Variants in NAV3 observed in about 807,000 individuals in gnomAD.
The protein encoded by NAV3 is pore membrane and/or filament interacting like protein 1.
In NAV3, 87 loss-of-function variants were observed where a neutral mutation model predicts 244.7. That is an observed-to-expected ratio of 0.36 (90% confidence interval 0.30 to 0.42). NAV3 has a LOEUF of 0.42. Ranked by LOEUF, NAV3 falls within the 20% of genes least tolerant of loss-of-function variation. The pLI is 1.00. For missense variants in NAV3, 2,663 were observed against 2,893.3 expected, an observed-to-expected ratio of 0.92 and a Z score of 1.83; for synonymous variants, 1,126 against 1,042.2, an observed-to-expected ratio of 1.08 and a Z score of -1.55.
At chr12:77,709,203 A>G (rs902830506) in intron 2 of NAV3, among the ~76,000 whole-genome samples, 5 of 152,246 alleles carry the variant, frequency 3.3e-5, no homozygotes, top group African/African-American at 1.2e-4. Context: ...GACAAAAACC[A>G]CATGATTATC....
intron 2 of NAV3, among the ~76,000 whole-genome samples, chr12:77,709,530 AG>A (rs1318105531): frequency 2.0e-5 from 3 of 152,222 alleles, no homozygotes; most frequent in African/African-American, 7.2e-5. Context: ...GGTGCCATGA[AG>A]ATGCTTTCTA....
intron 2 of NAV3, among the ~76,000 whole-genome samples, chr12:77,816,997 C>T (rs552274251): frequency 3.9e-5 from 6 of 152,252 alleles, no homozygotes; most frequent in East Asian, 3.9e-4. Context: ...TGTGGCTGCA[C>T]GGCTGGTATT....
At chr12:77,658,106 A>G (rs1292716091) in intron 2 of NAV3, among the ~76,000 whole-genome samples, 2 of 152,232 alleles carry the variant, frequency 1.3e-5, no homozygotes, top group South Asian at 2.1e-4. Flanking sequence ...AGTTCTGGCC[A>G]GGGCAATTAG....
intron 10 of NAV3, 80 bp downstream of exon 10, chr12:78,050,181 C>G: frequency 2.1e-6 from 2 of 951,446 alleles, no homozygotes; most frequent in Non-Finnish European, 3.2e-6. Flanking sequence ...CTTATAATGA[C>G]AGAGATGGGA....
At chr12:77,987,142 ATTTG>A (rs1458952026) in intron 5 of NAV3, among the ~76,000 whole-genome samples, 3 of 152,144 alleles carry the variant, frequency 2.0e-5, no homozygotes, top group African/African-American at 7.2e-5. Flanking sequence ...TTGAAATTAG[ATTTG>A]TTTGATACTT....
chr12:78,140,064 C>G (rs1018788062), intron 19 of NAV3, among the ~76,000 whole-genome samples: 2 of 152,138 alleles, frequency 1.3e-5, no homozygotes, highest in Non-Finnish European at 2.9e-5. Flanking sequence ...TGTCTAATAA[C>G]TTGGCAACTG....
chr12:77,904,255 C>A (rs1885681345), intron 1 of NAV3, among the ~76,000 whole-genome samples: 1 of 152,238 alleles, frequency 6.6e-6, no homozygotes, highest in East Asian at 1.9e-4. Context: ...AAATGTCCAA[C>A]AATGATAGAC....
At chr12:78,064,395 GTGTCTGTCTGTC>G (rs3054540) in intron 12 of NAV3, among the ~76,000 whole-genome samples, 2 of 139,954 alleles carry the variant, frequency 1.4e-5, no homozygotes, top group Non-Finnish European at 3.1e-5. Context: ...CTATCTATCT[GTGTCTGTCTGTC>G]TGTCTGTCTG....
intron 5 of NAV3, among the ~76,000 whole-genome samples, chr12:77,977,449 C>A (rs1306989608): frequency 1.3e-5 from 2 of 151,510 alleles, no homozygotes; most frequent in Non-Finnish European, 2.9e-5. Flanking sequence ...CTTTTTCAAT[C>A]ACCTGTAGAG....
intron 2 of NAV3, among the ~76,000 whole-genome samples, chr12:77,679,052 G>A (rs2137107108): frequency 6.6e-6 from 1 of 152,280 alleles, no homozygotes; most frequent in African/African-American, 2.4e-5. Context: ...AGCATCTTAA[G>A]TACGACTGTG....
At chr12:78,023,514 A>G (rs906404240) in intron 9 of NAV3, among the ~76,000 whole-genome samples, 2 of 152,194 alleles carry the variant, frequency 1.3e-5, no homozygotes, top group Non-Finnish European at 2.9e-5. Flanking sequence ...TAGGATTTTG[A>G]TAAGAATTCA....
chr12:77,999,053 T>C (rs1872800715), intron 7 of NAV3, among the ~76,000 whole-genome samples: 1 of 152,190 alleles, frequency 6.6e-6, no homozygotes, highest in Non-Finnish European at 1.5e-5. Context: ...TAAATGAAAG[T>C]GTCTGTTAAA....
intron 2 of NAV3, among the ~76,000 whole-genome samples, chr12:77,656,132 TAAATGCTCCAATTAA>T (rs1873091079): frequency 6.6e-6 from 1 of 150,904 alleles, no homozygotes; most frequent in African/African-American, 2.5e-5. Context: ...GTAAATGGAC[TAAATGCTCCAATTAA>T]AAGACACAGA....
Position 78,006,335 on chromosome 12 carries a change from A to G in NAV3, c.881-84A>G, listed in dbSNP as rs1338645747. ...CAGAGGAGAGAGACTTCTATCCATC[A>G]ATAGTTTGGAAGTTCTCAATTATGT... On this transcript the variant is annotated intron_variant, in intron 7 of 39. Coordinates refer to ENST00000397909, the MANE Select transcript of NAV3 (RefSeq NM_001024383.2). 1.0e-5 allele frequency: 13 copies of G among 1,246,166 alleles called. No individual in the cohort carries two copies. In the East Asian group the frequency reaches 1.4e-4, roughly 13 times the overall value. 77.2% of individuals were successfully genotyped at this position (1,246,166 alleles called of 1,614,324 possible). A position where few individuals can be genotyped will look rare whatever the true frequency, so the allele number is the denominator to read the frequency against.
At chr12:78,027,727 C>A (rs905454479) in intron 9 of NAV3, among the ~76,000 whole-genome samples, 1 of 152,196 alleles carries the variant, frequency 6.6e-6, no homozygotes, top group South Asian at 2.1e-4. Context: ...AAGGGTAATA[C>A]AATGGCATGT....
intron 22 of NAV3, among the ~76,000 whole-genome samples, chr12:78,156,752 G>T (rs370988050): frequency 9.9e-4 from 151 of 152,036 alleles, no homozygotes; most frequent in African/African-American, 3.3e-3. Context: ...TTAGTTTTAG[G>T]TTTTAGTAAC....
In NAV3 at chr12:78,006,806, T is replaced by G. The variant is rs1342617758; in HGVS notation, c.1268T>G (p.Met423Arg). Residue 423 changes from methionine (M) to arginine (R), a missense_variant, in exon 8 of 40, where the codon ATG (methionine) becomes AGG (arginine). Physicochemically the swap from Met to Arg is moderately conservative, Grantham distance 91. This residue lies in a region of NAV3 where 1,521 missense variants were observed against 1,497.0 expected (regional missense o/e 1.02). Coordinates refer to ENST00000397909, the MANE Select transcript of NAV3 (RefSeq NM_001024383.2). ...DDDAFSESGEMEGFNSGLNSG... is the reference protein window; with the variant it reads ...DDDAFSESGEREGFNSGLNSG... ...GATGCCTTTTCTGAATCTGGTGAAA[T>G]GGAAGGTTTTAACAGTGGTCTGAAT... The G allele has an allele frequency of 1.2e-6, 2 of 1,613,998 alleles. No individual in the cohort carries two copies. Among genetic ancestry groups the G allele is most frequent in the African/African-American group, 2.7e-5 (2 of 74,876 alleles).
intron 1 of NAV3, among the ~76,000 whole-genome samples, chr12:77,908,071 T>G (rs1886182954): frequency 6.6e-6 from 1 of 152,114 alleles, no homozygotes; most frequent in Non-Finnish European, 1.5e-5. Context: ...GAGTTGTGGT[T>G]TACAGTGGTT....
At chr12:77,754,702 C>T (rs11106550) in intron 2 of NAV3, among the ~76,000 whole-genome samples, 6,301 of 152,182 alleles carry the variant, frequency 0.041, 423 homozygotes, top group African/African-American at 0.14. Flanking sequence ...GAAAATCTTA[C>T]GAAGATGTTA....
Sources: allele counts gnomAD v4.1 joint callset (sites outside exome capture counted in the v4.1 genomes callset), GRCh38; gene constraint gnomAD v4.1.1; regional missense constraint gnomAD v4.1.1; transcripts MANE v1.5; gene names NCBI Gene and HGNC (gene_info 2026-07-23, HGNC 2026-07-21).